The following KIAA0825 variants were observed in gnomAD, a reference collection of about 807,000 sequenced individuals.
KIAA0825 encodes the protein KIAA0825.
KIAA0825 carries 119 observed loss-of-function variants against 147.6 expected under a neutral mutation model. The ratio of observed to expected loss-of-function variants is 0.81; its 90% CI spans 0.69 to 0.94. KIAA0825 has a LOEUF of 0.94. Ranked by LOEUF, KIAA0825 falls within the 40% of genes least tolerant of loss-of-function variation. KIAA0825 has a pLI of 0.00. For missense variants in KIAA0825, 1,381 were observed against 1,472.7 expected (o/e 0.94, Z 1.02); for synonymous variants, 470 against 518.1 (o/e 0.91, Z 1.26).
At chr5:94,274,020 T>A (rs1273246205) in intron 20 of KIAA0825, among the ~76,000 whole-genome samples, 3 of 152,156 alleles carry the variant, frequency 2.0e-5, no homozygotes, top group Non-Finnish European at 2.9e-5. Context: ...AAGAACATGG[T>A]GTGCTCTTTG....
chr5:94,277,305 A>T (rs2150150235), intron 20 of KIAA0825, among the ~76,000 whole-genome samples: 1 of 152,276 alleles, frequency 6.6e-6, no homozygotes. Context: ...AGAAACTATC[A>T]TCAGAGTGAA....
At chr5:94,324,758 T>C (rs949580683) in intron 20 of KIAA0825, among the ~76,000 whole-genome samples, 7 of 151,886 alleles carry the variant, frequency 4.6e-5, no homozygotes, top group African/African-American at 1.7e-4. Flanking sequence ...GTCACAGCAT[T>C]TTAAGCACCA....
chr5:94,357,305 CT>C (rs1204785526), intron 20 of KIAA0825, among the ~76,000 whole-genome samples: 1 of 151,986 alleles, frequency 6.6e-6, no homozygotes, highest in African/African-American at 2.4e-5. Flanking sequence ...ATCCTCAAGC[CT>C]TTCATGTAGT....
At chr5:94,295,843 G>A (rs568945128) in intron 20 of KIAA0825, among the ~76,000 whole-genome samples, 1 of 152,296 alleles carries the variant, frequency 6.6e-6, no homozygotes, top group African/African-American at 2.4e-5. Flanking sequence ...GAGCTCTCCT[G>A]TATGAGGGGT....
chr5:94,600,508 T>C (rs944275615), intron 1 of KIAA0825, among the ~76,000 whole-genome samples: 2 of 152,142 alleles, frequency 1.3e-5, no homozygotes, highest in African/African-American at 4.8e-5. Context: ...ATTTTTGTCA[T>C]CTCAGTAAAC....
chr5:94,463,793 A>C (rs1042926674), intron 11 of KIAA0825, among the ~76,000 whole-genome samples: 1 of 151,994 alleles, frequency 6.6e-6, no homozygotes, highest in Non-Finnish European at 1.5e-5. Context: ...AGGTAACAGT[A>C]AAGCTGATTT....
At chr5:94,574,543 CAAAAAAAAAAAAAA>C (rs1181241238) in intron 2 of KIAA0825, among the ~76,000 whole-genome samples, 1 of 65,530 alleles carries the variant, frequency 1.5e-5, no homozygotes, top group South Asian at 7.6e-4. Flanking sequence ...GACTCCATCT[CAAAAAAAAAAAAAA>C]AAAAAAAAGA....
chr5:94,570,161 C>T (rs1453701335), intron 2 of KIAA0825: 1 of 152,452 alleles, frequency 6.6e-6, no homozygotes, highest in African/African-American at 2.4e-5. Context: ...ATCAAACAAT[C>T]CCTTAGGCAT....
intron 20 of KIAA0825, among the ~76,000 whole-genome samples, chr5:94,290,409 T>A (rs1020965924): frequency 6.6e-6 from 1 of 152,164 alleles, no homozygotes; most frequent in Non-Finnish European, 1.5e-5. Context: ...CCTGTGTTAG[T>A]TTGCTGAGAA....
intron 5 of KIAA0825, among the ~76,000 whole-genome samples, chr5:94,486,918 C>T (rs1378008699): frequency 6.6e-6 from 1 of 152,090 alleles, no homozygotes; most frequent in Non-Finnish European, 1.5e-5. Flanking sequence ...TAATTCTTTA[C>T]TAGGAAAGGC....
intron 20 of KIAA0825, among the ~76,000 whole-genome samples, chr5:94,266,511 A>T: frequency 6.6e-6 from 1 of 152,206 alleles, no homozygotes. Flanking sequence ...ATTAAAAAAA[A>T]TCCACAATGA....
intron 20 of KIAA0825, among the ~76,000 whole-genome samples, chr5:94,310,477 T>C (rs1470641935): frequency 2.0e-5 from 3 of 151,780 alleles, no homozygotes; most frequent in Non-Finnish European, 4.4e-5. Flanking sequence ...GACTTACTTA[T>C]ATTTTTTAAA....
chr5:94,458,963 T>C (rs1759477681), intron 12 of KIAA0825, among the ~76,000 whole-genome samples: 1 of 152,126 alleles, frequency 6.6e-6, no homozygotes, highest in African/African-American at 2.4e-5. Flanking sequence ...CTGTATTCAT[T>C]AGCTGTCACT....
At chr5:94,522,700 TA>T (rs1042189394) in intron 4 of KIAA0825, among the ~76,000 whole-genome samples, 24 of 151,638 alleles carry the variant, frequency 1.6e-4, no homozygotes, top group African/African-American at 5.8e-4. Flanking sequence ...GGATCTGTTT[TA>T]ATAATGTGGT....
At chr5:94,356,164 G>GT (rs771913490) in intron 20 of KIAA0825, among the ~76,000 whole-genome samples, 41 of 152,114 alleles carry the variant, frequency 2.7e-4, no homozygotes, top group Non-Finnish European at 4.0e-4. Context: ...CTTATTCAAT[G>GT]TTTTAAAAAT....
intron 20 of KIAA0825, among the ~76,000 whole-genome samples, chr5:94,268,074 GAAA>G (rs1001463417): frequency 6.8e-6 from 1 of 147,870 alleles, no homozygotes; most frequent in African/African-American, 2.5e-5. Flanking sequence ...GTGTTGGACT[GAAA>G]AAAAAACAGA....
intron 20 of KIAA0825, among the ~76,000 whole-genome samples, chr5:94,267,288 G>A (rs1254045834): frequency 6.6e-6 from 1 of 152,186 alleles, no homozygotes; most frequent in Non-Finnish European, 1.5e-5. Flanking sequence ...TGATGGTCAG[G>A]ATTGTTGGCT....
intron 20 of KIAA0825, among the ~76,000 whole-genome samples, chr5:94,285,663 G>C (rs911818580): frequency 6.6e-6 from 1 of 152,136 alleles, no homozygotes; most frequent in African/African-American, 2.4e-5. Flanking sequence ...TTTAAAGTTT[G>C]TCAGCAGGTT....
At chr5:94,590,836 AAAT>A (rs1433238049) in intron 1 of KIAA0825, among the ~76,000 whole-genome samples, 2 of 152,236 alleles carry the variant, frequency 1.3e-5, no homozygotes, top group Non-Finnish European at 2.9e-5. Context: ...GTAGTAACTA[AAAT>A]AATAATAACC....
Sources: gnomAD v4.1 joint callset for allele counts (sites outside exome capture counted in the v4.1 genomes callset) on GRCh38, gnomAD v4.1.1 for gene constraint, MANE v1.5 for transcripts, NCBI Gene and HGNC (gene_info 2026-07-23, HGNC 2026-07-21) for gene names.